GPR137B: variants seen among roughly 807,000 people sequenced by gnomAD.
The protein encoded by GPR137B is integral membrane protein GPR137B.
GPR137B carries 42 observed loss-of-function variants against 42.5 expected under a neutral mutation model. The observed-to-expected ratio is 0.99, with a 90% confidence interval of 0.77 to 1.28. GPR137B has a LOEUF of 1.28. Among genes scored for constraint, GPR137B ranks in the 50% most tolerant of loss-of-function variants. GPR137B has a pLI of 0.00. For missense variants in GPR137B, 487 were observed against 493.9 expected (o/e 0.99, Z 0.13); for synonymous variants, 218 against 209.7 (o/e 1.04, Z -0.34).
rs1045357690 is a variant in GPR137B, at chr1:236,168,689, C to T, written c.415-17C>T. ...ACATATTGGACCCCAACCTGCCATG[C>T]TTTTCTGTCGTTGCAGGTGATTTTC... On this transcript the variant is annotated splice_polypyrimidine_tract_variant and intron_variant, in intron 1 of 6. Coordinates refer to ENST00000366592, the MANE Select transcript of GPR137B (RefSeq NM_003272.4). 1 of 1,607,256 alleles carries T rather than the reference C, an allele frequency of 6.2e-7. No individual in the cohort carries two copies.
intron 1 of GPR137B, among the ~76,000 whole-genome samples, chr1:236,160,527 C>G: frequency 6.6e-6 from 1 of 152,310 alleles, no homozygotes; most frequent in Middle Eastern, 3.4e-3. Context: ...CTTCTCGGGA[C>G]CCAGGCTCCT....
intron 1 of GPR137B, among the ~76,000 whole-genome samples, chr1:236,154,033 T>C (rs958215019): frequency 1.3e-5 from 2 of 152,116 alleles, no homozygotes; most frequent in Admixed American, 1.3e-4. Flanking sequence ...TAGGGCCCCT[T>C]CCTTGGGTGC....
intron 5 of GPR137B, among the ~76,000 whole-genome samples, chr1:236,204,796 T>G (rs1222723975): frequency 6.6e-6 from 1 of 152,180 alleles, no homozygotes; most frequent in Admixed American, 6.5e-5. Flanking sequence ...GTAGGCTGTA[T>G]GTGTCTTGGA....
At chr1:236,182,030 A>T (rs985679698) in intron 4 of GPR137B, among the ~76,000 whole-genome samples, 2 of 151,742 alleles carry the variant, frequency 1.3e-5, no homozygotes, top group Non-Finnish European at 2.9e-5. Flanking sequence ...GTAGCTGGGA[A>T]TACAGGCAAG....
chr1:236,146,146 C>CA (rs1162589942), intron 1 of GPR137B, among the ~76,000 whole-genome samples: 1 of 152,212 alleles, frequency 6.6e-6, no homozygotes, highest in African/African-American at 2.4e-5. Context: ...GTGTGAGCCA[C>CA]CGCGCCTGGC....
chr1:236,202,586 C>G (rs1218257999), intron 5 of GPR137B, among the ~76,000 whole-genome samples: 1 of 151,784 alleles, frequency 6.6e-6, no homozygotes, highest in Non-Finnish European at 1.5e-5. Context: ...AGCCCTATCT[C>G]CTATCCACCA....
chr1:236,164,706 G>A (rs1470414999), intron 1 of GPR137B, among the ~76,000 whole-genome samples: 1 of 152,076 alleles, frequency 6.6e-6, no homozygotes, highest in Admixed American at 6.6e-5. Flanking sequence ...AATTATATGT[G>A]CGTTTGTTGA....
intron 1 of GPR137B, among the ~76,000 whole-genome samples, chr1:236,154,876 C>G (rs1395003860): frequency 6.6e-6 from 1 of 152,220 alleles, no homozygotes; most frequent in African/African-American, 2.4e-5. Flanking sequence ...CCAGCGCTGG[C>G]CACCGGGAGA....
intron 3 of GPR137B, 126 bp from the exon 4 acceptor site, chr1:236,179,753 C>A: frequency 3.1e-6 from 2 of 637,718 alleles, no homozygotes; most frequent in Non-Finnish European, 5.4e-6. Context: ...TGATGGAAGA[C>A]CCAACAAGAT....
At chr1:236,177,982 G>A (rs1662736917) in intron 2 of GPR137B, among the ~76,000 whole-genome samples, 1 of 151,970 alleles carries the variant, frequency 6.6e-6, no homozygotes, top group Non-Finnish European at 1.5e-5. Flanking sequence ...CTATACATAA[G>A]GTAGGTATTA....
chr1:236,203,824 G>T (rs911496304), intron 5 of GPR137B, among the ~76,000 whole-genome samples: 2 of 152,112 alleles, frequency 1.3e-5, no homozygotes, highest in African/African-American at 4.8e-5. Context: ...ATATAGAAAT[G>T]CTACTGATTT....
rs539701068 is a variant in GPR137B, at chr1:236,204,428, C to CCCTCTT, written c.967-692_967-687dup. Among the ~76,000 whole-genome samples the CCCTCTT allele has an allele frequency of 3.4e-4, 51 of 152,236 alleles. No individual in the cohort carries two copies. The East Asian group carries it at 8.9e-3, about 26-fold the overall frequency. ...CCTCCTCCATGAGTGTAGAAGTACTCCCTCTTCCTCTATTTTTTTTGGATT... is the reference window on the plus strand; with the variant it reads ...CCTCCTCCATGAGTGTAGAAGTACTCCCTCTTCCTCTTCCTCTATTTTTTTTGGATT... On this transcript the variant is annotated intron_variant, in intron 5 of 6. Coordinates refer to ENST00000366592, the MANE Select transcript of GPR137B (RefSeq NM_003272.4).
chr1:236,157,711 T>C (rs1662073522), intron 1 of GPR137B, among the ~76,000 whole-genome samples: 1 of 152,178 alleles, frequency 6.6e-6, no homozygotes, highest in Non-Finnish European at 1.5e-5. Flanking sequence ...TTGGTCCTCC[T>C]TATATTCAGG....
chr1:236,179,524 G>C (rs1662805206), intron 3 of GPR137B, among the ~76,000 whole-genome samples: 1 of 152,242 alleles, frequency 6.6e-6, no homozygotes. Flanking sequence ...CTGGCCCCGG[G>C]CTCACCTGCT....
chr1:236,145,197 C>T (rs1661649385), intron 1 of GPR137B, among the ~76,000 whole-genome samples: 1 of 152,200 alleles, frequency 6.6e-6, no homozygotes. Flanking sequence ...TGTGATACTT[C>T]TGGGGAGTTA....
At chr1:236,164,656 G>C (rs932950737) in intron 1 of GPR137B, among the ~76,000 whole-genome samples, 6 of 152,106 alleles carry the variant, frequency 3.9e-5, no homozygotes, top group African/African-American at 1.4e-4. Context: ...TGAAAACTTG[G>C]TTTATGCCCT....
intron 1 of GPR137B, among the ~76,000 whole-genome samples, chr1:236,144,117 A>G (rs1464917976): frequency 1.3e-5 from 2 of 149,244 alleles, no homozygotes; most frequent in African/African-American, 5.0e-5. Flanking sequence ...AAAGTCACTT[A>G]TTTAAAAAAA....
chr1:236,178,451 G>C lies in GPR137B; in HGVS notation c.502G>C (p.Val168Leu), dbSNP rs1446987576. 1 of 1,613,854 alleles carries C rather than the reference G, an allele frequency of 6.2e-7. No homozygotes were observed. The highest frequency in any genetic ancestry group is 8.5e-7 in the Non-Finnish European group (1 of 1,179,966). Reference protein sequence around the residue: ...LYLASLFISLVFLLVNLTCAV... With the variant: ...LYLASLFISLLFLLVNLTCAV... The stretch of plus-strand genomic sequence containing the variant: ...CCTGGCCTCCCTCTTCATCAGCCTT[G>C]TTTTCCTGTTGGTGAATTTAACCTG... The change falls in exon 3 of 7, where the codon GTT becomes CTT. Residue 168 changes from valine (V) to leucine (L), a missense_variant. Coordinates refer to ENST00000366592, the MANE Select transcript of GPR137B (RefSeq NM_003272.4).
At position 236,176,580 on chromosome 1, in the gene GPR137B, C is replaced by A. The variant is rs536505003; in HGVS notation, c.465-1834C>A. Among the ~76,000 whole-genome samples, 4 of 152,278 alleles carry A rather than the reference C, an allele frequency of 2.6e-5. No homozygotes were observed. The South Asian group carries it at 8.3e-4, about 32-fold the overall frequency. On this transcript the variant is annotated intron_variant, in intron 2 of 6. Coordinates refer to ENST00000366592, the MANE Select transcript of GPR137B (RefSeq NM_003272.4). ...CAGCACAGGGCTGTGCAGGGAGAAG[C>A]CTGCAGTCCTTTCCGCCTCCCCAGA...
Sources: allele counts gnomAD v4.1 joint callset (sites outside exome capture counted in the v4.1 genomes callset), GRCh38; gene constraint gnomAD v4.1.1; transcripts MANE v1.5; gene names NCBI Gene and HGNC (gene_info 2026-07-23, HGNC 2026-07-21).